PPP3CA: variants seen among roughly 807,000 people sequenced by gnomAD.
The protein encoded by PPP3CA is protein phosphatase 3 catalytic subunit alpha, also known as CAM-PRP catalytic subunit.
PPP3CA carries 14 observed loss-of-function variants against 66.5 expected under a neutral mutation model. The ratio of observed to expected loss-of-function variants is 0.21; its 90% confidence interval spans 0.14 to 0.33. PPP3CA has a LOEUF of 0.33. Ranked by LOEUF, PPP3CA falls within the 10% of genes least tolerant of loss-of-function variation. The pLI is 1.00. For synonymous variants in PPP3CA, 232 were observed against 226.2 expected, an observed-to-expected ratio of 1.03 and a Z score of -0.23; for missense variants, 317 against 639.5, an observed-to-expected ratio of 0.50 and a Z score of 5.44.
chr4:101,113,013 T>A (rs1267693650), intron 2 of PPP3CA, among the ~76,000 whole-genome samples: 1 of 152,138 alleles, frequency 6.6e-6, no homozygotes, highest in South Asian at 2.1e-4. Flanking sequence ...GATTTTGAGA[T>A]ACCCTTGTGA....
chr4:101,189,687 C>CCA (rs1724530101), intron 2 of PPP3CA, among the ~76,000 whole-genome samples: 1 of 72,622 alleles, frequency 1.4e-5, no homozygotes, highest in Non-Finnish European at 2.9e-5. Flanking sequence ...TAGTGAACGG[C>CCA]AAAAAAAAAA....
At chr4:101,093,695 T>C in intron 6 of PPP3CA, 81 bp downstream of exon 6, 1 of 1,323,822 alleles carries the variant, frequency 7.6e-7, no homozygotes, top group South Asian at 2.1e-5. Context: ...ACAAACATTA[T>C]AAATAAATCA....
rs1007937760 is a variant in PPP3CA, at chr4:101,060,963, T to C, written c.1156+124A>G. On this transcript the variant is annotated intron_variant, in intron 10 of 13. Transcript: ENST00000394854. Reference sequence around the variant, plus strand: ...AAACAGAAAATGAAATCATATCTTTTATTCTCAATAATGTTACGTTTTAAA... The same window carrying C: ...AAACAGAAAATGAAATCATATCTTTCATTCTCAATAATGTTACGTTTTAAA... 63 of 804,490 alleles carry C rather than the reference T, an allele frequency of 7.8e-5. No homozygotes were observed. The South Asian group carries it at 9.3e-4, about 12-fold the overall frequency. 49.8% of individuals were successfully genotyped at this position (804,490 alleles called of 1,614,324 possible).
At chr4:101,227,623 A>G (rs1225260340) in intron 1 of PPP3CA, among the ~76,000 whole-genome samples, 5 of 151,578 alleles carry the variant, frequency 3.3e-5, no homozygotes, top group Admixed American at 2.6e-4. Context: ...TTATACAGAT[A>G]AATTCATGTT....
intron 8 of PPP3CA, among the ~76,000 whole-genome samples, chr4:101,076,278 T>C (rs1397541203): frequency 6.6e-6 from 1 of 151,572 alleles, no homozygotes; most frequent in Admixed American, 6.6e-5. Flanking sequence ...GATAGGATAC[T>C]TCTGGTCACA....
chr4:101,098,487 T>C lies in PPP3CA; in HGVS notation c.522A>G (p.Val174=). The C allele has an allele frequency of 1.9e-6, 3 of 1,609,546 alleles. No individual in the cohort carries two copies. Among genetic ancestry groups the C allele is most frequent in the Non-Finnish European group, 2.5e-6 (3 of 1,177,660 alleles). The change falls in exon 5 of 14, where the codon GTA becomes GTG. Residue 174 remains valine (V), a synonymous_variant. Transcript: ENST00000394854. Reference sequence around the variant, plus strand: ...CAAAGGCATCCATACAGGCATCATATACGCGTTCTGAATACTTTATTTTAC... The same window carrying C: ...CAAAGGCATCCATACAGGCATCATACACGCGTTCTGAATACTTTATTTTAC... The part of the protein sequence containing the change: ...QECKIKYSER[V]YDACMDAFDC...
chr4:101,211,261 G>A (rs918074666), intron 1 of PPP3CA, among the ~76,000 whole-genome samples: 3 of 152,072 alleles, frequency 2.0e-5, no homozygotes, highest in Admixed American at 6.6e-5. Context: ...ATGATCCAAA[G>A]GTAATTAAGG....
chr4:101,098,658 A>AT (rs1387594218), intron 4 of PPP3CA, 146 bp from the exon 5 acceptor site: 17 of 628,952 alleles, frequency 2.7e-5, no homozygotes, highest in Non-Finnish European at 4.1e-5. Context: ...CATAATTAAG[A>AT]TTTTCTGAAA....
intron 1 of PPP3CA, among the ~76,000 whole-genome samples, chr4:101,214,632 A>G (rs1338861944): frequency 6.6e-6 from 1 of 152,062 alleles, no homozygotes; most frequent in Non-Finnish European, 1.5e-5. Context: ...TCAATAATGA[A>G]ACTAACTCCT....
intron 1 of PPP3CA, among the ~76,000 whole-genome samples, chr4:101,209,730 A>G (rs967415493): frequency 1.1e-4 from 17 of 152,192 alleles, no homozygotes; most frequent in Middle Eastern, 3.2e-3. Context: ...TCACTTTTGT[A>G]CTCAAGAAAC....
intron 2 of PPP3CA, among the ~76,000 whole-genome samples, chr4:101,178,209 G>A (rs1225165774): frequency 6.6e-6 from 1 of 152,052 alleles, no homozygotes; most frequent in African/African-American, 2.4e-5. Flanking sequence ...CTCACTAGGT[G>A]GCAAAGCATT....
At chr4:101,122,898 G>A (rs1188421501) in intron 2 of PPP3CA, among the ~76,000 whole-genome samples, 1 of 152,162 alleles carries the variant, frequency 6.6e-6, no homozygotes, top group East Asian at 1.9e-4. Flanking sequence ...GAGGTTTGCT[G>A]CATTACTACA....
At chr4:101,110,803 C>G (rs1397769372) in intron 2 of PPP3CA, among the ~76,000 whole-genome samples, 1 of 152,086 alleles carries the variant, frequency 6.6e-6, no homozygotes, top group Admixed American at 6.6e-5. Context: ...AAATAGAGAA[C>G]ACTGGATGGG....
intron 3 of PPP3CA, among the ~76,000 whole-genome samples, chr4:101,105,546 G>A (rs1482276496): frequency 6.6e-6 from 1 of 151,244 alleles, no homozygotes; most frequent in Non-Finnish European, 1.5e-5. Context: ...TTTGAGGACA[G>A]AGATTCAGAA....
Position 101,099,708 on chromosome 4 carries a change from C to T in PPP3CA, c.399G>A (p.Leu133=). ...TGGGGTAGAGAATTTTCAAGGCCCA[C>T]AAATACAGCACACACTGAGAAAAAT... ...GYFSIECVLY[L]WALKILYPKT... Residue 133 remains leucine (L), a synonymous_variant, in exon 4 of 14, where the codon TTG becomes TTA. Coordinates refer to ENST00000394854, the MANE Select transcript of PPP3CA (RefSeq NM_000944.5). The T allele has an allele frequency of 6.4e-7, 1 of 1,572,368 alleles. No individual in the cohort carries two copies. Among genetic ancestry groups the T allele is most frequent in the Non-Finnish European group, 8.7e-7 (1 of 1,154,474 alleles).
intron 1 of PPP3CA, among the ~76,000 whole-genome samples, chr4:101,306,597 A>G (rs1368415921): frequency 9.9e-5 from 15 of 152,180 alleles, no homozygotes; most frequent in Non-Finnish European, 2.2e-4. Context: ...AGAATAAGAG[A>G]AGAGAGAGAA....
At chr4:101,037,182 C>G (rs1289253390) in intron 11 of PPP3CA, among the ~76,000 whole-genome samples, 1 of 152,126 alleles carries the variant, frequency 6.6e-6, no homozygotes, top group African/African-American at 2.4e-5. Flanking sequence ...GTAGTTAGCT[C>G]CCAAAATGCT....
chr4:101,201,617 A>G (rs1469474841), intron 1 of PPP3CA, among the ~76,000 whole-genome samples: 1 of 152,164 alleles, frequency 6.6e-6, no homozygotes, highest in Non-Finnish European at 1.5e-5. Flanking sequence ...AGACACATTT[A>G]TTTCATCCCT....
intron 1 of PPP3CA, among the ~76,000 whole-genome samples, chr4:101,209,103 A>G (rs1332043953): frequency 6.6e-6 from 1 of 152,196 alleles, no homozygotes; most frequent in East Asian, 1.9e-4. Flanking sequence ...TTTTGAGAAT[A>G]TTTATATTTG....
Sources: gnomAD v4.1 joint callset for allele counts (sites outside exome capture counted in the v4.1 genomes callset) on GRCh38, gnomAD v4.1.1 for gene constraint, MANE v1.5 for transcripts, NCBI Gene and HGNC (gene_info 2026-07-23, HGNC 2026-07-21) for gene names.